The following PDE4D variants were observed in gnomAD, a reference collection of about 807,000 sequenced individuals.
PDE4D encodes the protein phosphodiesterase 4D.
In PDE4D, 24 loss-of-function variants were observed where a neutral mutation model predicts 87.4. The observed-to-expected ratio is 0.27, with a 90% CI of 0.20 to 0.39. The LOEUF (loss-of-function observed/expected upper bound fraction) is 0.39. Ranked by LOEUF, PDE4D falls within the 10% of genes least tolerant of loss-of-function variation. The pLI is 1.00. For missense variants in PDE4D, 714 were observed against 1,041.0 expected (o/e 0.69, Z 4.32); for synonymous variants, 384 against 383.2 (o/e 1.00, Z -0.02).
intron 1 of PDE4D, among the ~76,000 whole-genome samples, chr5:59,842,645 C>A (rs752027902): frequency 6.6e-6 from 1 of 152,006 alleles, no homozygotes; most frequent in Non-Finnish European, 1.5e-5. Context: ...TTTCCACTGG[C>A]CACATAATAA....
At chr5:59,336,061 G>A (rs559359391) in intron 1 of PDE4D, among the ~76,000 whole-genome samples, 6 of 151,974 alleles carry the variant, frequency 3.9e-5, no homozygotes, top group Non-Finnish European at 8.8e-5. Flanking sequence ...GCAGCAAAAC[G>A]GTTAAGGCAC....
chr5:60,246,052 C>T (rs1208395039), intron 1 of PDE4D, among the ~76,000 whole-genome samples: 1 of 151,194 alleles, frequency 6.6e-6, no homozygotes, highest in Non-Finnish European at 1.5e-5. Context: ...TCTCATGTAC[C>T]CCATAAATAT....
At chr5:59,959,867 G>A (rs893874785) in intron 3 of PDE4D, among the ~76,000 whole-genome samples, 1 of 152,112 alleles carries the variant, frequency 6.6e-6, no homozygotes, top group African/African-American at 2.4e-5. Context: ...AAACTGAAGA[G>A]CTTCTGAACA....
chr5:60,328,812 G>A (rs557860005), intron 1 of PDE4D, among the ~76,000 whole-genome samples: 72 of 152,192 alleles, frequency 4.7e-4, no homozygotes, highest in Non-Finnish European at 9.6e-4. Flanking sequence ...AATAACAGCA[G>A]ATGCAAAAAG....
chr5:60,318,001 GT>G (rs1284529248), intron 1 of PDE4D, among the ~76,000 whole-genome samples: 29 of 152,264 alleles, frequency 1.9e-4, no homozygotes, highest in African/African-American at 7.0e-4. Context: ...TGTCTATTAG[GT>G]CTGCTTGGTG....
At chr5:59,181,784 G>A (rs1006291967) in intron 4 of PDE4D, among the ~76,000 whole-genome samples, 7 of 151,986 alleles carry the variant, frequency 4.6e-5, no homozygotes, top group African/African-American at 7.3e-5. Context: ...TTTAAGTAAC[G>A]AAGCTGAGAT....
At chr5:60,347,321 G>C (rs1758818444) in intron 1 of PDE4D, among the ~76,000 whole-genome samples, 1 of 152,104 alleles carries the variant, frequency 6.6e-6, no homozygotes, top group South Asian at 2.1e-4. Flanking sequence ...GAGAAAGAGT[G>C]GGTAAGAAAG....
In PDE4D at chr5:59,235,187, T is replaced by A. The variant is rs535816067; in HGVS notation, c.456-19219A>T. Among the ~76,000 whole-genome samples, 32 of 152,272 alleles carry A rather than the reference T, an allele frequency of 2.1e-4. 1 individual carries two copies. Among genetic ancestry groups the A allele is most frequent in the African/African-American group, 7.2e-4 (30 of 41,560 alleles). ...AAAGTATGTGGCCCTTCAGACCACA[T>A]GAAAAAAATCTCTCAGGGCACCTTG... On this transcript the variant is annotated intron_variant, in intron 1 of 14. Coordinates refer to ENST00000340635, the MANE Select transcript of PDE4D (RefSeq NM_001104631.2).
chr5:59,282,855 G>C (rs571077554), intron 1 of PDE4D, among the ~76,000 whole-genome samples: 4 of 151,994 alleles, frequency 2.6e-5, no homozygotes, highest in African/African-American at 9.6e-5. Flanking sequence ...AAATAATCCA[G>C]GCAACTCAGG....
At chr5:59,046,052 A>C (rs1760579721) in intron 5 of PDE4D, among the ~76,000 whole-genome samples, 1 of 152,218 alleles carries the variant, frequency 6.6e-6, no homozygotes. Context: ...ACAACCTTGT[A>C]GTCACTAACT....
chr5:59,997,619 A>G (rs1763632784), intron 2 of PDE4D, among the ~76,000 whole-genome samples: 1 of 152,204 alleles, frequency 6.6e-6, no homozygotes, highest in Non-Finnish European at 1.5e-5. Flanking sequence ...CCACATGCAG[A>G]GAGCCAGAAA....
At chr5:59,408,669 A>T (rs1343440927) in intron 1 of PDE4D, among the ~76,000 whole-genome samples, 1 of 152,220 alleles carries the variant, frequency 6.6e-6, no homozygotes, top group East Asian at 1.9e-4. Context: ...TTCACCTTGC[A>T]AAAGCTGTAG....
chr5:59,412,248 T>G (rs1335842729), intron 1 of PDE4D, among the ~76,000 whole-genome samples: 4 of 152,234 alleles, frequency 2.6e-5, no homozygotes, highest in African/African-American at 9.6e-5. Flanking sequence ...TTTTATTTTT[T>G]TTAAGTCACT....
chr5:59,948,156 G>A (rs1757911052), intron 3 of PDE4D, among the ~76,000 whole-genome samples: 2 of 152,204 alleles, frequency 1.3e-5, no homozygotes, highest in African/African-American at 4.8e-5. Context: ...TGTGAGTGGA[G>A]CTCCTTTATA....
At chr5:59,359,953 G>T (rs1168030507) in intron 1 of PDE4D, among the ~76,000 whole-genome samples, 1 of 152,114 alleles carries the variant, frequency 6.6e-6, no homozygotes, top group Admixed American at 6.6e-5. Flanking sequence ...CCCCACTAAA[G>T]TATCAGCAAA....
intron 1 of PDE4D, among the ~76,000 whole-genome samples, chr5:59,243,243 G>C (rs1314799617): frequency 6.6e-6 from 1 of 152,026 alleles, no homozygotes; most frequent in Non-Finnish European, 1.5e-5. Flanking sequence ...TGATCATAGA[G>C]ATATAACTGC....
At chr5:59,827,715 G>A (rs939245374) in intron 1 of PDE4D, among the ~76,000 whole-genome samples, 9 of 152,072 alleles carry the variant, frequency 5.9e-5, no homozygotes, top group Admixed American at 2.0e-4. Flanking sequence ...CTGGGTGCTC[G>A]GGAGGAGCAT....
intron 2 of PDE4D, among the ~76,000 whole-genome samples, chr5:60,060,305 C>T (rs999341913): frequency 1.3e-5 from 2 of 151,972 alleles, no homozygotes; most frequent in Admixed American, 1.3e-4. Flanking sequence ...TTATCCTCTT[C>T]CATCTATTTA....
intron 3 of PDE4D, among the ~76,000 whole-genome samples, chr5:59,912,456 TATC>T (rs1349378375): frequency 6.6e-6 from 1 of 152,220 alleles, no homozygotes; most frequent in Non-Finnish European, 1.5e-5. Flanking sequence ...ATATGCATAT[TATC>T]AACAAATTAA....
Sources: allele counts gnomAD v4.1 joint callset (sites outside exome capture counted in the v4.1 genomes callset), GRCh38; gene constraint gnomAD v4.1.1; transcripts MANE v1.5; gene names NCBI Gene and HGNC (gene_info 2026-07-23, HGNC 2026-07-21).